Variants in NHS observed in about 807,000 individuals in gnomAD.
The protein encoded by NHS is actin remodeling regulator NHS.
In NHS, 5 loss-of-function variants were observed where a neutral mutation model predicts 72.5. The ratio of observed to expected loss-of-function variants is 0.07; its 90% CI spans 0.04 to 0.14. The LOEUF (loss-of-function observed/expected upper bound fraction) is 0.14. Ranked by LOEUF, NHS falls within the 10% of genes least tolerant of loss-of-function variation. NHS has a pLI of 1.00. For missense variants in NHS, 1,072 were observed against 1,355.7 expected, an observed-to-expected ratio of 0.79 and a Z score of 3.29; for synonymous variants, 464 against 547.7, an observed-to-expected ratio of 0.85 and a Z score of 2.13.
In NHS at chrX:17,376,077, G is replaced by T; in HGVS notation, c.320G>T (p.Gly107Val). ...ATCCCGGAGGCGGCGCCCGCAGCCG[G>T]CGAGGCGTCCTCGGCGGCGGCGGCG... is the stretch of plus-strand genomic sequence containing the variant. ...AGIPEAAPAA[G>V]EASSAAAAAA... is the part of the protein sequence containing the mutation. Residue 107 changes from glycine to valine, a missense_variant, in exon 1 of 9, where the codon GGC becomes GTC. Gly to Val is a moderately radical substitution (Grantham distance 109, BLOSUM62 -3). Coordinates refer to ENST00000676302, the MANE Select transcript of NHS (RefSeq NM_001291867.2). 9.4e-7 allele frequency: 1 copy of T among 1,067,544 alleles called. No homozygotes were observed. The highest frequency in any genetic ancestry group is 2.0e-5 in the African/African-American group (1 of 50,788). 88.0% of individuals were successfully genotyped at this position (1,067,544 alleles called of 1,213,427 possible).
At chrX:17,535,437 AGTC>A (rs2065218453) in intron 1 of NHS, among the ~76,000 whole-genome samples, 1 of 111,650 alleles carries the variant, frequency 9.0e-6, no homozygotes, top group Non-Finnish European at 1.9e-5. Flanking sequence ...CACCATCCCT[AGTC>A]AAACACCGCT....
chrX:17,391,312 C>A (rs2064444408), intron 1 of NHS, among the ~76,000 whole-genome samples: 1 of 111,667 alleles, frequency 9.0e-6, no homozygotes, highest in Non-Finnish European at 1.9e-5. Context: ...CACCACTTAC[C>A]AGCTGTGTGA....
chrX:17,521,046 A>G (rs2065145897), intron 1 of NHS, among the ~76,000 whole-genome samples: 1 of 111,780 alleles, frequency 8.9e-6, no homozygotes, highest in East Asian at 2.8e-4. Flanking sequence ...AGAATTTTAA[A>G]GAGTTATAGG....
chrX:17,476,487 A>G (rs1188697285), intron 1 of NHS, among the ~76,000 whole-genome samples: 1 of 111,618 alleles, frequency 9.0e-6, no homozygotes, highest in African/African-American at 3.3e-5. Flanking sequence ...CTCCATATGT[A>G]ATGCAGGAAT....
At chrX:17,639,044 C>G (rs1255672084) in intron 1 of NHS, among the ~76,000 whole-genome samples, 1 of 112,045 alleles carries the variant, frequency 8.9e-6, no homozygotes, top group Non-Finnish European at 1.9e-5. Context: ...ACTCACCATT[C>G]AGAAATTCCC....
intron 1 of NHS, among the ~76,000 whole-genome samples, chrX:17,684,273 A>G (rs1239447491): frequency 8.9e-6 from 1 of 112,146 alleles, no homozygotes; most frequent in African/African-American, 3.2e-5. Context: ...TTAGTTTTCT[A>G]TTATTATTTC....
chrX:17,627,368 T>C (rs1328495786), intron 1 of NHS, among the ~76,000 whole-genome samples: 1 of 112,299 alleles, frequency 8.9e-6, no homozygotes, highest in Non-Finnish European at 1.9e-5. Context: ...AACCAGATAC[T>C]CTAACTTTTC....
At chrX:17,469,702 G>A (rs1196096136) in intron 1 of NHS, among the ~76,000 whole-genome samples, 2 of 112,297 alleles carry the variant, frequency 1.8e-5, no homozygotes, top group Non-Finnish European at 3.8e-5. Flanking sequence ...GTGCCATGGC[G>A]TGATCTCGAC....
intron 1 of NHS, among the ~76,000 whole-genome samples, chrX:17,622,538 C>T (rs1486584858): frequency 8.9e-6 from 1 of 112,609 alleles, no homozygotes; most frequent in Non-Finnish European, 1.9e-5. Context: ...GAACCTCAGG[C>T]AGCTGTCCTG....
At chrX:17,495,323 T>C (rs1601732867) in intron 1 of NHS, among the ~76,000 whole-genome samples, 1 of 112,002 alleles carries the variant, frequency 8.9e-6, no homozygotes, top group Admixed American at 9.5e-5. Context: ...AAAATTGCCC[T>C]TTAGAGATGA....
At chrX:17,441,601 A>G (rs2064754322) in intron 1 of NHS, among the ~76,000 whole-genome samples, 1 of 111,548 alleles carries the variant, frequency 9.0e-6, no homozygotes, top group Admixed American at 9.5e-5. Context: ...GTACTGTATC[A>G]TGGGTAATGC....
intron 1 of NHS, among the ~76,000 whole-genome samples, chrX:17,661,053 A>G (rs2065980171): frequency 9.0e-6 from 1 of 111,663 alleles, no homozygotes; most frequent in South Asian, 3.8e-4. Flanking sequence ...TTTATGCCCT[A>G]CGGAAGCATC....
intron 1 of NHS, among the ~76,000 whole-genome samples, chrX:17,453,588 G>C (rs2064814744): frequency 9.0e-6 from 1 of 111,587 alleles, no homozygotes; most frequent in African/African-American, 3.3e-5. Flanking sequence ...CAAATTTGCT[G>C]TTTAGTATTT....
intron 1 of NHS, among the ~76,000 whole-genome samples, chrX:17,614,498 A>G (rs1424330388): frequency 1.8e-5 from 2 of 111,440 alleles, no homozygotes; most frequent in Non-Finnish European, 3.8e-5. Context: ...CATAAGTTTG[A>G]CCCTGAAAAA....
chrX:17,534,096 T>TTTTGTGTGTG (rs112645115), intron 1 of NHS, among the ~76,000 whole-genome samples: 9 of 104,942 alleles, frequency 8.6e-5, no homozygotes, highest in African/African-American at 3.2e-4. Context: ...TGAAAGGTCA[T>TTTTGTGTGTG]TGTGTGTGTG....
At position 17,724,377 on chromosome X, in the gene NHS, TGAG is replaced by T. The variant is rs760195058; in HGVS notation, c.1196_1198del (p.Arg399del). On this transcript the variant is annotated inframe_deletion, in exon 6 of 9. Coordinates refer to ENST00000676302, the MANE Select transcript of NHS (RefSeq NM_001291867.2). The stretch of plus-strand genomic sequence containing the variant: ...TCGGTACTACAGCGGAGACGAAAAT[TGAG>T]GAGGAGGAAAACCATCTCGGGTATC... 6 of 1,210,234 alleles carry T rather than the reference TGAG, an allele frequency of 5.0e-6. No homozygotes were observed. The Admixed American group carries it at 1.3e-4, about 26-fold the overall frequency.
Position 17,725,632 on chromosome X carries a change from G to T in NHS, c.1526G>T (p.Arg509Leu), listed in dbSNP as rs780936344. The T allele has an allele frequency of 1.7e-6, 2 of 1,211,461 alleles. No individual in the cohort carries two copies. The highest frequency in any genetic ancestry group is 1.1e-6 in the Non-Finnish European group (1 of 895,488). The change falls in exon 7 of 9, where the codon CGG becomes CTG. Residue 509 changes from arginine (R) to leucine (L), a missense_variant. Transcript: ENST00000676302. The part of the protein sequence containing the change: ...SSRTRSRSLP[R>L]EGNRGGDAEP... ...CGCACAAGATCTCGGAGCCTTCCCC[G>T]GGAAGGTAATAGAGGTGGGGATGCT...
intron 1 of NHS, among the ~76,000 whole-genome samples, chrX:17,527,225 T>C (rs147467085): frequency 0.012 from 1,363 of 113,031 alleles, 24 homozygotes; most frequent in Middle Eastern, 0.046. Flanking sequence ...TCTTTGTTTA[T>C]TTAGTTAGCC....
At chrX:17,591,624 GC>G (rs2065603297) in intron 1 of NHS, among the ~76,000 whole-genome samples, 1 of 111,378 alleles carries the variant, frequency 9.0e-6, no homozygotes, top group Admixed American at 9.5e-5. Flanking sequence ...GTAATAAATT[GC>G]CCGAGGTGCA....
Sources: allele counts gnomAD v4.1 joint callset (sites outside exome capture counted in the v4.1 genomes callset), GRCh38; gene constraint gnomAD v4.1.1; transcripts MANE v1.5; gene names NCBI Gene and HGNC (gene_info 2026-07-23, HGNC 2026-07-21).